NLGN1: variants seen among roughly 807,000 people sequenced by gnomAD.
NLGN1 encodes the protein neuroligin 1.
A neutral mutation model predicts 65.5 loss-of-function variants in NLGN1; 12 were observed. The observed-to-expected ratio is 0.18, with a 90% CI of 0.12 to 0.30. The LOEUF (loss-of-function observed/expected upper bound fraction) is 0.30. Ranked by LOEUF, NLGN1 falls within the 10% of genes least tolerant of loss-of-function variation. The pLI, the probability that NLGN1 is intolerant of heterozygous loss-of-function variation, is 1.00. For missense variants in NLGN1, 750 were observed against 1,007.1 expected (o/e 0.74, Z 3.46); for synonymous variants, 350 against 359.5 (o/e 0.97, Z 0.30).
At chr3:173,671,722 G>A (rs1298836823) in intron 3 of NLGN1, among the ~76,000 whole-genome samples, 3 of 152,148 alleles carry the variant, frequency 2.0e-5, no homozygotes, top group Non-Finnish European at 4.4e-5. Flanking sequence ...TGGAGGCACT[G>A]ATATTTCAAG....
chr3:173,734,381 A>ATATTT (rs1773382049), intron 3 of NLGN1, among the ~76,000 whole-genome samples: 1 of 40,060 alleles, frequency 2.5e-5, no homozygotes, highest in Non-Finnish European at 4.0e-5. Context: ...GGATAATTCT[A>ATATTT]TTTTTTTTTT....
chr3:173,803,797 G>A (rs1307013820), intron 3 of NLGN1, among the ~76,000 whole-genome samples: 1 of 152,006 alleles, frequency 6.6e-6, no homozygotes, highest in Non-Finnish European at 1.5e-5. Flanking sequence ...AAAAATGACT[G>A]GAGGCACAAA....
chr3:174,196,301 A>G (rs1561266102), intron 4 of NLGN1, among the ~76,000 whole-genome samples: 2 of 149,400 alleles, frequency 1.3e-5, no homozygotes, highest in African/African-American at 2.4e-5. Context: ...AATTCTGTAC[A>G]TCTATTTTTT....
chr3:173,896,934 A>G (rs891889596), intron 4 of NLGN1, among the ~76,000 whole-genome samples: 3 of 152,166 alleles, frequency 2.0e-5, no homozygotes, highest in African/African-American at 7.2e-5. Flanking sequence ...ATTAGTGATC[A>G]CAAACTGCCC....
intron 4 of NLGN1, among the ~76,000 whole-genome samples, chr3:173,983,094 T>G (rs1244963389): frequency 6.6e-6 from 1 of 152,134 alleles, no homozygotes; most frequent in Non-Finnish European, 1.5e-5. Context: ...GTTTTCGAGT[T>G]CTTCTGTTTT....
intron 3 of NLGN1, among the ~76,000 whole-genome samples, chr3:173,789,574 T>C (rs1042621597): frequency 1.3e-5 from 2 of 152,174 alleles, no homozygotes; most frequent in African/African-American, 4.8e-5. Flanking sequence ...ATATAGATTA[T>C]CACCTAAAAT....
At chr3:173,725,190 A>T (rs1771569218) in intron 3 of NLGN1, among the ~76,000 whole-genome samples, 1 of 152,166 alleles carries the variant, frequency 6.6e-6, no homozygotes, top group Non-Finnish European at 1.5e-5. Flanking sequence ...TAAAAAAAGA[A>T]AAAAATAATA....
chr3:174,153,071 A>T (rs982463073), intron 4 of NLGN1, among the ~76,000 whole-genome samples: 21 of 152,076 alleles, frequency 1.4e-4, no homozygotes, highest in African/African-American at 4.8e-4. Context: ...CAGACATAAA[A>T]TACCAGTTCA....
chr3:173,490,807 C>T (rs1729004806), intron 2 of NLGN1, among the ~76,000 whole-genome samples: 2 of 152,070 alleles, frequency 1.3e-5, no homozygotes, highest in South Asian at 4.1e-4. Flanking sequence ...AGAGGTCCTT[C>T]ACATCCCTTG....
At chr3:173,974,617 A>G (rs13100934) in intron 4 of NLGN1, among the ~76,000 whole-genome samples, 3,345 of 152,182 alleles carry the variant, frequency 0.022, 66 homozygotes, top group Non-Finnish European at 0.036. Flanking sequence ...AAATATTTGA[A>G]CAATTAAAAG....
At chr3:174,030,346 G>T (rs546735268) in intron 4 of NLGN1, among the ~76,000 whole-genome samples, 13 of 151,964 alleles carry the variant, frequency 8.6e-5, no homozygotes, top group Admixed American at 6.6e-4. Flanking sequence ...GGCTGGTCTC[G>T]AACTCCTGAC....
At chr3:174,038,468 A>G (rs1262936422) in intron 4 of NLGN1, among the ~76,000 whole-genome samples, 1 of 152,180 alleles carries the variant, frequency 6.6e-6, no homozygotes, top group Non-Finnish European at 1.5e-5. Context: ...TTTTCAGAAA[A>G]GGATTCTCAG....
intron 4 of NLGN1, among the ~76,000 whole-genome samples, chr3:173,852,254 G>A (rs529696665): frequency 6.7e-4 from 100 of 149,748 alleles, no homozygotes; most frequent in African/African-American, 2.4e-3. Context: ...TACTCGGGAG[G>A]CTGAGGCAGG....
intron 3 of NLGN1, among the ~76,000 whole-genome samples, chr3:173,632,277 T>G (rs1755809692): frequency 1.3e-5 from 2 of 152,184 alleles, no homozygotes; most frequent in Admixed American, 1.3e-4. Flanking sequence ...TTAGATATTT[T>G]TGTTGTGACA....
intron 4 of NLGN1, among the ~76,000 whole-genome samples, chr3:174,123,838 T>C (rs1038566230): frequency 1.2e-4 from 19 of 152,128 alleles, no homozygotes; most frequent in African/African-American, 4.6e-4. Flanking sequence ...TATTAATATA[T>C]CCTATGTACT....
intron 4 of NLGN1, among the ~76,000 whole-genome samples, chr3:173,898,242 T>C (rs1736682770): frequency 6.6e-6 from 1 of 152,196 alleles, no homozygotes; most frequent in Admixed American, 6.6e-5. Context: ...TTTCATTTTA[T>C]TGTGGAAATA....
At chr3:173,888,205 A>G (rs901603962) in intron 4 of NLGN1, among the ~76,000 whole-genome samples, 14 of 152,036 alleles carry the variant, frequency 9.2e-5, no homozygotes, top group Non-Finnish European at 1.3e-4. Flanking sequence ...AGCTTAAAGC[A>G]CAGTGAGATA....
intron 4 of NLGN1, among the ~76,000 whole-genome samples, chr3:174,234,190 A>C (rs769748155): frequency 6.6e-6 from 1 of 152,126 alleles, no homozygotes; most frequent in African/African-American, 2.4e-5. Context: ...TTTATTAAAA[A>C]GTTTTGGAGG....
chr3:173,600,190 TACATGTGTGTACAC>T (rs751635135), intron 2 of NLGN1, among the ~76,000 whole-genome samples: 38 of 62,286 alleles, frequency 6.1e-4, no homozygotes, highest in African/African-American at 1.6e-3. Context: ...TACATGTGTG[TACATGTGTGTACAC>T]ACACACACAC....
Sources: gnomAD v4.1 joint callset for allele counts (sites outside exome capture counted in the v4.1 genomes callset) on GRCh38, gnomAD v4.1.1 for gene constraint, MANE v1.5 for transcripts, NCBI Gene and HGNC (gene_info 2026-07-23, HGNC 2026-07-21) for gene names.